Variants in LGI3 observed in about 807,000 individuals in gnomAD.
The protein encoded by LGI3 is leucine rich repeat LGI family member 3.
Under a neutral mutation model 55.4 loss-of-function variants are expected in LGI3, and 47 were observed. The observed-to-expected ratio is 0.85, with a 90% CI of 0.67 to 1.08. The LOEUF (loss-of-function observed/expected upper bound fraction) is 1.08. Ranked by LOEUF, LGI3 falls within the 50% of genes least tolerant of loss-of-function variation. LGI3 has a pLI of 0.00. For synonymous variants in LGI3, 326 were observed against 315.0 expected, an observed-to-expected ratio of 1.04 and a Z score of -0.37; for missense variants, 664 against 726.3, an observed-to-expected ratio of 0.91 and a Z score of 0.99.
Position 22,154,210 on chromosome 8 carries a change from G to T in LGI3, c.354C>A (p.Phe118Leu), listed in dbSNP as rs1290607039. The change falls in exon 4 of 8, where the codon TTC becomes TTA. Residue 118 changes from phenylalanine (F) to leucine (L), a missense_variant. Transcript: ENST00000306317. ...GTGCCCAGATGTCATTGTTCTCAAT[G>T]AAGCTGGGGAAAGCGGGAACTTGCC... is the stretch of plus-strand genomic sequence containing the variant. ...FTGLSHLQYL[F>L]IENNDIWALS... 1 of 1,613,864 alleles carries T rather than the reference G, an allele frequency of 6.2e-7. No individual in the cohort carries two copies. Among genetic ancestry groups the T allele is most frequent in the Non-Finnish European group, 8.5e-7 (1 of 1,179,874 alleles).
rs183181297 is a variant in LGI3, at chr8:22,151,717, G to C, written c.665-64C>G. On this transcript the variant is annotated intron_variant, in intron 6 of 7. Coordinates refer to ENST00000306317, the MANE Select transcript of LGI3 (RefSeq NM_139278.4). ...GAAGGGAAGGGCTGCTTGGGTGATGGTGGTTGCTTTACTGCTGCCGCTGGG... is the reference window on the plus strand; with the variant it reads ...GAAGGGAAGGGCTGCTTGGGTGATGCTGGTTGCTTTACTGCTGCCGCTGGG... 7.1e-5 allele frequency: 112 copies of C among 1,584,868 alleles called. No homozygotes were observed. In the African/African-American group the frequency reaches 1.4e-3, roughly 19 times the overall value.
chr8:22,153,725 A>AAC lies in LGI3; in HGVS notation c.494+241_494+242dup, dbSNP rs59250695. On this transcript the variant is annotated intron_variant, in intron 5 of 7. Transcript: ENST00000306317. ...CCGTCTATAATTAAAAAAAAAAAAAAACACACACACACATTTTGAAAACAT... is the reference window on the plus strand; with the variant it reads ...CCGTCTATAATTAAAAAAAAAAAAAAACACACACACACACATTTTGAAAACAT... 3.7e-4 allele frequency among the ~76,000 whole-genome samples: 50 copies of AAC among 135,714 alleles called. 1 individual carries two copies. The highest frequency in any genetic ancestry group is 2.0e-3 in the East Asian group (10 of 4,986). 89.0% of individuals were successfully genotyped at this position (135,714 alleles called of 152,430 possible).
chr8:22,155,115 C>A, intron 2 of LGI3: 1 of 512,060 alleles, frequency 2.0e-6, no homozygotes, highest in African/African-American at 1.9e-5. Context: ...GCTATCGCAC[C>A]CAATTCTCTG....
rs1191104670 is a variant in LGI3 at position 22,154,091 on chromosome 8, C to G, written c.422+51G>C. ...GAAGATCATGAGCAAGGCCAAAGGC[C>G]ACAGGAGAGGTGGGGCTTTGGTGCA... On this transcript the variant is annotated intron_variant, in intron 4 of 7. Transcript: ENST00000306317. The G allele has an allele frequency of 1.9e-6, 3 of 1,612,710 alleles. No homozygotes were observed. In the African/African-American group the frequency reaches 4.0e-5, roughly 22 times the overall value.
At chr8:22,152,570 C>G (rs1827393505) in intron 5 of LGI3, among the ~76,000 whole-genome samples, 1 of 151,848 alleles carries the variant, frequency 6.6e-6, no homozygotes, top group Non-Finnish European at 1.5e-5. Context: ...GGTGAAATCC[C>G]ATCTCTACTA....
chr8:22,155,362 C>T, intron 2 of LGI3, 30 bp downstream of exon 2: 1 of 1,608,726 alleles, frequency 6.2e-7, no homozygotes, highest in Non-Finnish European at 8.5e-7. Flanking sequence ...CCATAGTTCC[C>T]CCAACCCTTC....
intron 2 of LGI3, 44 bp from the exon 3 acceptor site, chr8:22,154,675 G>C: frequency 6.9e-7 from 1 of 1,442,798 alleles, no homozygotes. Flanking sequence ...GGGTGTGCCT[G>C]CTGCCCCAGC....
At chr8:22,151,067 A>T (rs1438273551) in intron 7 of LGI3, among the ~76,000 whole-genome samples, 2 of 152,002 alleles carry the variant, frequency 1.3e-5, no homozygotes, top group African/African-American at 4.8e-5. Context: ...CAAGACTCAG[A>T]TCAAACTCAG....
chr8:22,153,307 A>T (rs905128832), intron 5 of LGI3, among the ~76,000 whole-genome samples: 2 of 150,140 alleles, frequency 1.3e-5, no homozygotes, highest in African/African-American at 4.9e-5. Context: ...CTGGTCTGGA[A>T]CTCCTGACCT....
chr8:22,154,678 G>GCCCCAGC (rs1827463713), intron 2 of LGI3, 47 bp from the exon 3 acceptor site: 3 of 1,419,448 alleles, frequency 2.1e-6, no homozygotes, highest in African/African-American at 1.4e-5. Flanking sequence ...TGTGCCTGCT[G>GCCCCAGC]CCCCAGCCCC....
rs1470510747 is a variant in LGI3 at position 22,148,575 on chromosome 8, A to G, written c.1232T>C (p.Phe411Ser). 1.2e-6 allele frequency: 2 copies of G among 1,613,898 alleles called. No homozygotes were observed. The highest frequency in any genetic ancestry group is 1.1e-5 in the South Asian group (1 of 91,066). Residue 411 changes from phenylalanine (F) to serine (S), a missense_variant, in exon 8 of 8, where the codon TTT (phenylalanine) becomes TCT (serine). Phe to Ser is a radical substitution (Grantham distance 155). Coordinates refer to ENST00000306317, the MANE Select transcript of LGI3 (RefSeq NM_139278.4). The surrounding 1 kb of genome is among the most constrained non-coding windows in gnomAD (Gnocchi z 7.0). ...IYQWSRTQKQ[F>S]VAQGEVTQVP... is the part of the protein sequence containing the mutation. ...CTGGGTCACCTCACCCTGGGCCACA[A>G]ACTGCTTCTGGGTGCGACTCCACTG... is the stretch of plus-strand genomic sequence containing the variant.
In LGI3 at chr8:22,154,036, C is replaced by T. The variant is rs776735340; in HGVS notation, c.426G>A (p.Ser142=). 1.9e-5 allele frequency: 31 copies of T among 1,614,058 alleles called. No homozygotes were observed. In the African/African-American group the frequency reaches 2.1e-4, roughly 11 times the overall value. ...FRGLKSLTHL[S]LANNNLQTLP... is the part of the protein sequence containing the mutation. ...GTGTCTGCAGGTTATTGTTGGCCAG[C>T]GAGCTGCAAAAGAGACCGCCAGGTC... Residue 142 remains serine (S), a synonymous_variant, in exon 5 of 8, where the codon TCG becomes TCA. Transcript: ENST00000306317.
At chr8:22,153,416 T>A (rs1287496159) in intron 5 of LGI3, among the ~76,000 whole-genome samples, 2 of 146,434 alleles carry the variant, frequency 1.4e-5, no homozygotes, top group Non-Finnish European at 3.0e-5. Context: ...GCTCAGCACA[T>A]TTTTGGCTGA....
In LGI3 at chr8:22,152,000, C is replaced by T. The variant is rs1827386156; in HGVS notation, c.495G>A (p.Leu165=). Residue 165 remains leucine, a splice_region_variant and synonymous_variant, in exon 6 of 8, where the codon TTG becomes TTA. Transcript: ENST00000306317. The stretch of plus-strand genomic sequence containing the variant: ...AGTTGAGTGAGTTGCCCCGCAGGTC[C>T]CTGCATCATGAGGGCAGAGGAGGGG... ...IFRPLDILND[L]DLRGNSLNCD... 2 of 1,594,414 alleles carry T rather than the reference C, an allele frequency of 1.3e-6. No homozygotes were observed. Among genetic ancestry groups the T allele is most frequent in the South Asian group, 1.1e-5 (1 of 89,340 alleles).
Position 22,148,090 on chromosome 8 carries a change from G to T in LGI3, c.*70C>A. 1.5e-6 allele frequency: 2 copies of T among 1,299,620 alleles called. No homozygotes were observed. The allele number at this position is 1,299,620 out of a possible 1,614,324, so 80.5% of individuals were successfully genotyped here. Reference sequence around the variant, plus strand: ...GTCGCTTGTCTTCACACAGGCATACGTGGTGCTCACAGAGGCCCCCACCCA... The same window carrying T: ...GTCGCTTGTCTTCACACAGGCATACTTGGTGCTCACAGAGGCCCCCACCCA... On this transcript the variant is annotated 3_prime_UTR_variant, in exon 8 of 8. Coordinates refer to ENST00000306317, the MANE Select transcript of LGI3 (RefSeq NM_139278.4). This position sits in a 1 kb window ranked among gnomAD's most constrained non-coding sequence, Gnocchi z 7.0.
chr8:22,149,896 T>C (rs1336995697), intron 7 of LGI3, among the ~76,000 whole-genome samples: 1 of 152,122 alleles, frequency 6.6e-6, no homozygotes, highest in Non-Finnish European at 1.5e-5. Context: ...CAGCTCCTGA[T>C]CTTCCCTCAG....
At position 22,151,389 on chromosome 8, in the gene LGI3, T is replaced by C. The variant is rs28718353; in HGVS notation, c.829+100A>G. On this transcript the variant is annotated intron_variant, in intron 7 of 7. Transcript: ENST00000306317. ...TCTTGTGGGCAGAGGGTATGTCTCA[T>C]CTATCCCTCTACCTACAGGAACTCA... 26,927 of 1,150,016 alleles carry C rather than the reference T, an allele frequency of 0.023. 455 individuals carry two copies. Among genetic ancestry groups the C allele is most frequent in the Admixed American group, 0.081 (4,216 of 52,326 alleles). The allele number at this position is 1,150,016 out of a possible 1,614,324, so 71.2% of individuals were successfully genotyped here.
chr8:22,149,460 G>A (rs888402745), intron 7 of LGI3, among the ~76,000 whole-genome samples: 2 of 152,192 alleles, frequency 1.3e-5, no homozygotes, highest in African/African-American at 4.8e-5. Flanking sequence ...AGGCAGGGAA[G>A]GGAGGGAGAA....
chr8:22,150,759 G>T (rs993410437), intron 7 of LGI3, among the ~76,000 whole-genome samples: 1 of 151,842 alleles, frequency 6.6e-6, no homozygotes, highest in African/African-American at 2.4e-5. Flanking sequence ...TCCCCCTACT[G>T]TTCTGCCCTC....
Sources: gnomAD v4.1 joint callset for allele counts (sites outside exome capture counted in the v4.1 genomes callset) on GRCh38, gnomAD v4.1.1 for gene constraint, Gnocchi (gnomAD v3.1) non-coding constraint, MANE v1.5 for transcripts, NCBI Gene and HGNC (gene_info 2026-07-23, HGNC 2026-07-21) for gene names.